The following IGSF10 variants were observed in gnomAD, a reference collection of about 807,000 sequenced individuals.
IGSF10 encodes immunoglobulin superfamily member 10, also known as calvaria mechanical force protein 608.
A neutral mutation model predicts 128.2 loss-of-function variants in IGSF10; 126 were observed. The observed-to-expected ratio is 0.98, with a 90% CI of 0.85 to 1.14. IGSF10 has a LOEUF of 1.14. IGSF10 is among the 50% of genes most tolerant of loss of function. The pLI is 0.00. For synonymous variants in IGSF10, 1,185 were observed against 1,146.2 expected, an observed-to-expected ratio of 1.03 and a Z score of -0.68; for missense variants, 3,295 against 3,149.8, an observed-to-expected ratio of 1.05 and a Z score of -1.10.
At chr3:151,556,712 T>C in the IGSF10 span, among the ~76,000 whole-genome samples, 1 of 151,932 alleles carries the variant, frequency 6.6e-6, no homozygotes, top group Non-Finnish European at 1.5e-5. Context: ...TTTGAGAGGA[T>C]GGTAGGGGAA....
Position 151,446,623 on chromosome 3 carries a change from C to A in IGSF10, c.3358G>T (p.Glu1120Ter). Residue 1120 changes from glutamate (E) to a stop codon, truncating the protein, a stop_gained, in exon 6 of 8, where the codon GAG becomes TAG. Transcript: ENST00000282466. LOFTEE classifies it high-confidence loss of function. The stretch of plus-strand genomic sequence containing the variant: ...TATTTTATTGTGGGTGTTGTTTTCT[C>A]TACACTGGGTTTGTTCTCAAGTAGT... ...LLLLENKPSV[E>*]KTTPTIKYFR... 1.2e-6 allele frequency: 2 copies of A among 1,614,110 alleles called. No individual in the cohort carries two copies. The highest frequency in any genetic ancestry group is 1.7e-6 in the Non-Finnish European group (2 of 1,180,018).
chr3:151,550,161 A>G, the IGSF10 span, among the ~76,000 whole-genome samples: 6 of 150,696 alleles, frequency 4.0e-5, no homozygotes, highest in Non-Finnish European at 5.9e-5. Flanking sequence ...TGCTAATAGT[A>G]AGAGAAAAAT....
the IGSF10 span, among the ~76,000 whole-genome samples, chr3:151,499,973 T>C: frequency 6.6e-5 from 10 of 152,274 alleles, no homozygotes; most frequent in Non-Finnish European, 8.8e-5. Flanking sequence ...AAAGAAATTG[T>C]AGTGTAAACA....
chr3:151,611,399 C>T, the IGSF10 span, among the ~76,000 whole-genome samples: 4 of 152,156 alleles, frequency 2.6e-5, no homozygotes, highest in African/African-American at 9.7e-5. Context: ...CCTGAGGCCA[C>T]ATGGGCAGTG....
the IGSF10 span, among the ~76,000 whole-genome samples, chr3:151,467,248 C>T: frequency 6.6e-6 from 1 of 151,922 alleles, no homozygotes; most frequent in South Asian, 2.1e-4. Context: ...ACCCTTTCAC[C>T]CTGAAGATGA....
chr3:151,599,743 G>T, the IGSF10 span, among the ~76,000 whole-genome samples: 2 of 151,990 alleles, frequency 1.3e-5, no homozygotes, highest in Non-Finnish European at 2.9e-5. Context: ...AAAGAATGTG[G>T]ATATTTGTAT....
rs758713177 is a variant in IGSF10 at position 151,438,636 on chromosome 3, A to G, written c.5964-39T>C. ...AGATTCATTTGAGTGTGCAGCTGTT[A>G]GCAATGAGGGAAACTGTTTTACTCA... On this transcript the variant is annotated intron_variant, in intron 7 of 7. Transcript: ENST00000282466. The G allele has an allele frequency of 2.7e-5, 41 of 1,517,386 alleles. No individual in the cohort carries two copies. The East Asian group carries it at 9.0e-4, about 33-fold the overall frequency. The allele number at this position is 1,517,386 out of a possible 1,614,324, so 94.0% of individuals were successfully genotyped here. A position where few individuals can be genotyped will look rare whatever the true frequency, so the allele number is the denominator to read the frequency against.
chr3:151,603,588 A>G, the IGSF10 span, among the ~76,000 whole-genome samples: 1 of 152,200 alleles, frequency 6.6e-6, no homozygotes, highest in African/African-American at 2.4e-5. Flanking sequence ...TGAACCAATC[A>G]GACGTATATA....
chr3:151,529,066 C>T, the IGSF10 span, among the ~76,000 whole-genome samples: 1 of 152,244 alleles, frequency 6.6e-6, no homozygotes, highest in Admixed American at 6.5e-5. Context: ...TTTACCCTCA[C>T]AGTGTAAACA....
the IGSF10 span, among the ~76,000 whole-genome samples, chr3:151,497,706 T>G: frequency 2.6e-5 from 4 of 152,110 alleles, no homozygotes; most frequent in Non-Finnish European, 5.9e-5. Flanking sequence ...TTTTCCAATT[T>G]TTTGAAGAAA....
the IGSF10 span, among the ~76,000 whole-genome samples, chr3:151,477,299 T>C: frequency 6.6e-6 from 1 of 152,200 alleles, no homozygotes; most frequent in Non-Finnish European, 1.5e-5. Context: ...TCTCTGATAG[T>C]AGGGAAAAGT....
chr3:151,539,073 G>C, the IGSF10 span, among the ~76,000 whole-genome samples: 60 of 152,250 alleles, frequency 3.9e-4, no homozygotes, highest in African/African-American at 1.4e-3. Flanking sequence ...CAAAATATCA[G>C]CTTCATTGCT....
At chr3:151,483,723 C>T in the IGSF10 span, among the ~76,000 whole-genome samples, 1 of 152,198 alleles carries the variant, frequency 6.6e-6, no homozygotes, top group Non-Finnish European at 1.5e-5. Flanking sequence ...GGAACTCCCT[C>T]TCTTAGCCAA....
Position 151,445,872 on chromosome 3 carries a change from G to A in IGSF10, c.4109C>T (p.Thr1370Ile), listed in dbSNP as rs34933248. 1.4e-3 allele frequency: 2,333 copies of A among 1,614,214 alleles called. 28 individuals carry two copies. The African/African-American group carries it at 0.027, about 18-fold the overall frequency. Residue 1370 changes from threonine (T) to isoleucine (I), a missense_variant, in exon 6 of 8, where the codon ACA becomes ATA. Thr to Ile is a moderately conservative substitution (Grantham distance 89). Transcript: ENST00000282466. ...ISPDQSSGFT[T>I]PTAMTPPVLT... ...AACAGGAGGTGTCATAGCAGTGGGT[G>A]TAGTGAAGCCAGAACTCTGGTCTGG...
the IGSF10 span, among the ~76,000 whole-genome samples, chr3:151,619,488 C>T: frequency 6.9e-6 from 1 of 145,286 alleles, no homozygotes; most frequent in Non-Finnish European, 1.5e-5. Flanking sequence ...AGTGGAAAAA[C>T]AAATTTGTGG....
chr3:151,443,940 CAT>C, intron 6 of IGSF10, 56 bp from the exon 7 acceptor site: 2 of 1,398,296 alleles, frequency 1.4e-6, no homozygotes, highest in Non-Finnish European at 1.9e-6. Flanking sequence ...ATTTAGAAAA[CAT>C]AAAGCTATCG....
At chr3:151,433,775 T>C (rs1577646012), downstream of IGSF10, 1 of 152,770 alleles carries the variant, frequency 6.5e-6, no homozygotes. Flanking sequence ...TCATAAAAGG[T>C]GTATTTGCTG....
chr3:151,518,917 G>A, the IGSF10 span, among the ~76,000 whole-genome samples: 4 of 151,820 alleles, frequency 2.6e-5, no homozygotes, highest in Non-Finnish European at 5.9e-5. Context: ...ATCCTCACTT[G>A]GTTCTTTCCT....
the IGSF10 span, among the ~76,000 whole-genome samples, chr3:151,617,320 C>CTTCTTCTTCTCCTCCTCCT: frequency 4.8e-5 from 4 of 83,580 alleles, no homozygotes; most frequent in African/African-American, 2.1e-4. Flanking sequence ...CTTCTTCTTC[C>CTTCTTCTTCTCCTCCTCCT]CCTCCTCCTC....
Sources: allele counts gnomAD v4.1 joint callset (sites outside exome capture counted in the v4.1 genomes callset), GRCh38; gene constraint gnomAD v4.1.1; transcripts MANE v1.5; gene names NCBI Gene and HGNC (gene_info 2026-07-23, HGNC 2026-07-21).